XKR4: variants seen among roughly 807,000 people sequenced by gnomAD.
The protein encoded by XKR4 is XK related 4.
A neutral mutation model predicts 53.9 loss-of-function variants in XKR4; 12 were observed. That is an observed-to-expected ratio of 0.22 (90% CI 0.14 to 0.36). The LOEUF (loss-of-function observed/expected upper bound fraction) is 0.36, where lower values mean the gene tolerates loss of function less well. XKR4 is among the 10% of genes least tolerant of loss of function. The pLI is 1.00. For missense variants in XKR4, 799 were observed against 859.5 expected, an observed-to-expected ratio of 0.93 and a Z score of 0.88; for synonymous variants, 354 against 362.4, an observed-to-expected ratio of 0.98 and a Z score of 0.26.
chr8:55,511,807 A>G, intron 2 of XKR4, among the ~76,000 whole-genome samples: 1 of 152,188 alleles, frequency 6.6e-6, no homozygotes, highest in Non-Finnish European at 1.5e-5. Flanking sequence ...CATTTCTTTT[A>G]TATCTCTAAG....
chr8:55,451,584 G>T, intron 2 of XKR4: 1 of 1,285,332 alleles, frequency 7.8e-7, no homozygotes, highest in Non-Finnish European at 1.1e-6. Context: ...TGGACCGCCG[G>T]ATGCGCCAGC....
At chr8:55,510,947 C>T (rs1016224160) in intron 2 of XKR4, among the ~76,000 whole-genome samples, 3 of 152,164 alleles carry the variant, frequency 2.0e-5, no homozygotes, top group African/African-American at 7.2e-5. Flanking sequence ...TTCTCCCAGC[C>T]AGTCCAACCA....
At chr8:55,170,505 A>C in intron 1 of XKR4, among the ~76,000 whole-genome samples, 1 of 152,200 alleles carries the variant, frequency 6.6e-6, no homozygotes, top group Non-Finnish European at 1.5e-5. Context: ...CAGAAGGAAC[A>C]TAGACCCGCT....
At chr8:55,451,536 T>C (rs1805443386) in intron 2 of XKR4, 1 of 1,038,964 alleles carries the variant, frequency 9.6e-7, no homozygotes, top group African/African-American at 1.6e-5. Flanking sequence ...CGACTACACC[T>C]ATGCCGTACA....
intron 1 of XKR4, among the ~76,000 whole-genome samples, chr8:55,153,949 C>T (rs1383447): frequency 2.6e-5 from 4 of 151,692 alleles, no homozygotes; most frequent in Admixed American, 6.6e-5. Flanking sequence ...AATTTTGATG[C>T]GATGTATTCC....
intron 1 of XKR4, among the ~76,000 whole-genome samples, chr8:55,230,685 C>G (rs1246776643): frequency 1.3e-5 from 2 of 152,036 alleles, no homozygotes; most frequent in East Asian, 3.9e-4. Context: ...ACATTTTAAT[C>G]TTGAAAAGTA....
intron 1 of XKR4, among the ~76,000 whole-genome samples, chr8:55,250,878 G>A (rs1011038882): frequency 2.0e-5 from 3 of 152,142 alleles, no homozygotes; most frequent in African/African-American, 4.8e-5. Context: ...AAACCCTGTT[G>A]TTAGGCACTT....
intron 1 of XKR4, among the ~76,000 whole-genome samples, chr8:55,315,904 G>C (rs1393476117): frequency 6.6e-6 from 1 of 152,102 alleles, no homozygotes; most frequent in Non-Finnish European, 1.5e-5. Context: ...CCTAAAAATT[G>C]TATGGACCCT....
At chr8:55,430,400 A>C (rs1805084694) in intron 2 of XKR4, among the ~76,000 whole-genome samples, 1 of 152,172 alleles carries the variant, frequency 6.6e-6, no homozygotes, top group African/African-American at 2.4e-5. Context: ...AACAATCTAC[A>C]TTTCCTTCAA....
chr8:55,177,043 T>C (rs570940674), intron 1 of XKR4, among the ~76,000 whole-genome samples: 21 of 151,594 alleles, frequency 1.4e-4, no homozygotes, highest in Non-Finnish European at 2.7e-4. Context: ...TCTTCTTCTT[T>C]TTTTTTTTTT....
intron 1 of XKR4, among the ~76,000 whole-genome samples, chr8:55,313,823 G>A (rs1398860336): frequency 6.6e-6 from 1 of 152,054 alleles, no homozygotes; most frequent in Non-Finnish European, 1.5e-5. Context: ...CATTCCTCTG[G>A]GAAACCAATG....
intron 1 of XKR4, among the ~76,000 whole-genome samples, chr8:55,232,764 A>C (rs1217550920): frequency 6.6e-6 from 1 of 152,132 alleles, no homozygotes; most frequent in African/African-American, 2.4e-5. Context: ...TTGCCCTCCA[A>C]GTCTTAGGTA....
At chr8:55,304,576 T>C (rs891086647) in intron 1 of XKR4, among the ~76,000 whole-genome samples, 3 of 152,228 alleles carry the variant, frequency 2.0e-5, no homozygotes, top group African/African-American at 7.2e-5. Context: ...TTAGTAGATC[T>C]GTCTAATGTT....
At chr8:55,297,586 T>C (rs1819119185) in intron 1 of XKR4, among the ~76,000 whole-genome samples, 1 of 152,194 alleles carries the variant, frequency 6.6e-6, no homozygotes, top group Non-Finnish European at 1.5e-5. Context: ...GGTTACAGTT[T>C]CTGCTTTATT....
intron 1 of XKR4, among the ~76,000 whole-genome samples, chr8:55,318,369 C>T (rs1432367023): frequency 6.6e-6 from 1 of 152,150 alleles, no homozygotes; most frequent in African/African-American, 2.4e-5. Context: ...TCTTTCTGTT[C>T]ATGTCAATGA....
intron 2 of XKR4, among the ~76,000 whole-genome samples, chr8:55,475,827 T>C (rs1805975177): frequency 6.6e-6 from 1 of 151,884 alleles, no homozygotes; most frequent in Non-Finnish European, 1.5e-5. Flanking sequence ...GATCTTGAAC[T>C]CCTGACCTTG....
intron 1 of XKR4, among the ~76,000 whole-genome samples, chr8:55,230,376 T>TG (rs1305271555): frequency 6.6e-6 from 1 of 151,546 alleles, no homozygotes; most frequent in African/African-American, 2.4e-5. Context: ...TTTTTTTTTT[T>TG]TTTGAGACAG....
intron 2 of XKR4, among the ~76,000 whole-genome samples, chr8:55,392,570 T>C (rs1450462068): frequency 6.6e-6 from 1 of 152,132 alleles, no homozygotes; most frequent in Non-Finnish European, 1.5e-5. Flanking sequence ...GCGGGTAGAT[T>C]GCTTGAGGCT....
intron 2 of XKR4, among the ~76,000 whole-genome samples, chr8:55,404,702 G>A (rs1804659059): frequency 6.6e-6 from 1 of 152,160 alleles, no homozygotes; most frequent in Admixed American, 6.5e-5. Flanking sequence ...TTAAGGATTT[G>A]AACAAAGCTC....
Sources: gnomAD v4.1 joint callset for allele counts (sites outside exome capture counted in the v4.1 genomes callset) on GRCh38, gnomAD v4.1.1 for gene constraint, MANE v1.5 for transcripts, NCBI Gene and HGNC (gene_info 2026-07-23, HGNC 2026-07-21) for gene names.